Variants in GRM7 observed in about 807,000 individuals in gnomAD.
GRM7 encodes metabotropic glutamate receptor 7.
A neutral mutation model predicts 84.5 loss-of-function variants in GRM7; 35 were observed. That is an observed-to-expected ratio of 0.41 (90% confidence interval 0.32 to 0.55). GRM7 has a LOEUF of 0.55. Among genes scored for constraint, GRM7 ranks in the 20% least tolerant of loss-of-function variants. GRM7 has a pLI of 0.19. For synonymous variants in GRM7, 487 were observed against 455.1 expected (o/e 1.07, Z -0.89); for missense variants, 1,003 against 1,194.6 (o/e 0.84, Z 2.36).
At chr3:6,918,778 A>C (rs984680447) in intron 1 of GRM7, among the ~76,000 whole-genome samples, 2 of 152,144 alleles carry the variant, frequency 1.3e-5, no homozygotes, top group Non-Finnish European at 2.9e-5. Flanking sequence ...TGACTCTCAC[A>C]CACTTCCAGG....
At position 7,410,598 on chromosome 3, in the gene GRM7, T is replaced by TATAC. The variant is rs1553585464; in HGVS notation, c.1034-4424_1034-4423insTACA. Among the ~76,000 whole-genome samples, 383 of 142,672 alleles carry TATAC rather than the reference T, an allele frequency of 2.7e-3. 2 individuals are homozygous for TATAC. Among genetic ancestry groups the TATAC allele is most frequent in the Middle Eastern group, 0.018 (5 of 284 alleles). The allele number at this position is 142,672 out of a possible 152,430, so 93.6% of individuals were successfully genotyped here. A position where few individuals can be genotyped will look rare whatever the true frequency, so the allele number is the denominator to read the frequency against. Reference sequence around the variant, plus strand: ...AAAAAACAAAATATATATATATATATACACACACACACACACACACACACA... The same window carrying TATAC: ...AAAAAACAAAATATATATATATATATATACACACACACACACACACACACACACA... On this transcript the variant is annotated intron_variant, in intron 4 of 9. Coordinates refer to ENST00000357716, the MANE Select transcript of GRM7 (RefSeq NM_000844.4).
intron 3 of GRM7, among the ~76,000 whole-genome samples, chr3:7,302,521 G>C (rs972535804): frequency 6.6e-6 from 1 of 151,876 alleles, no homozygotes; most frequent in Non-Finnish European, 1.5e-5. Context: ...AACTTCGTCA[G>C]CACCTCCCCA....
intron 2 of GRM7, among the ~76,000 whole-genome samples, chr3:7,181,135 T>G (rs1695322916): frequency 1.3e-5 from 2 of 152,188 alleles, no homozygotes; most frequent in African/African-American, 4.8e-5. Context: ...TTTTTCCGGT[T>G]CTTCCCAATC....
intron 8 of GRM7, chr3:7,636,186 C>T: frequency 6.4e-5 from 29 of 456,590 alleles, no homozygotes; most frequent in Middle Eastern, 6.5e-4. Context: ...CTAACTTCTA[C>T]TCATTCTTCA....
intron 7 of GRM7, among the ~76,000 whole-genome samples, chr3:7,463,058 C>G (rs1283197584): frequency 6.6e-6 from 1 of 152,138 alleles, no homozygotes; most frequent in Non-Finnish European, 1.5e-5. Context: ...ATGACACACT[C>G]AAAGTGTGTT....
At chr3:6,984,290 C>T (rs1262456385) in intron 1 of GRM7, among the ~76,000 whole-genome samples, 1 of 152,110 alleles carries the variant, frequency 6.6e-6, no homozygotes, top group African/African-American at 2.4e-5. Context: ...ATTGTACCAG[C>T]CAGCACCTAT....
chr3:7,729,300 C>T (rs913377054), intron 9 of GRM7, among the ~76,000 whole-genome samples: 37 of 152,188 alleles, frequency 2.4e-4, no homozygotes, highest in African/African-American at 8.9e-4. Flanking sequence ...TTTCAGCTCT[C>T]ATATTTGAAC....
At chr3:7,106,043 C>A (rs997505181) in intron 1 of GRM7, among the ~76,000 whole-genome samples, 1 of 151,848 alleles carries the variant, frequency 6.6e-6, no homozygotes, top group Non-Finnish European at 1.5e-5. Context: ...GTTGGGGGTA[C>A]ATAGACTTTA....
intron 7 of GRM7, among the ~76,000 whole-genome samples, chr3:7,505,474 C>G (rs913528912): frequency 6.6e-6 from 1 of 152,224 alleles, no homozygotes; most frequent in African/African-American, 2.4e-5. Flanking sequence ...GGTCTCTCTG[C>G]AGTAACTCTA....
intron 5 of GRM7, among the ~76,000 whole-genome samples, chr3:7,448,933 C>T (rs1434031329): frequency 2.6e-5 from 4 of 151,364 alleles, no homozygotes; most frequent in Non-Finnish European, 5.9e-5. Context: ...TTATAATGGT[C>T]GAAATGCCTC....
At chr3:6,938,092 C>G (rs1225117398) in intron 1 of GRM7, among the ~76,000 whole-genome samples, 1 of 152,162 alleles carries the variant, frequency 6.6e-6, no homozygotes, top group African/African-American at 2.4e-5. Context: ...AGCCTGAGCA[C>G]CTTCATTCAA....
At chr3:7,663,851 G>C (rs530488152) in intron 8 of GRM7, among the ~76,000 whole-genome samples, 73 of 152,326 alleles carry the variant, frequency 4.8e-4, no homozygotes, top group Non-Finnish European at 7.9e-4. Flanking sequence ...CAAATATTAA[G>C]TGAAAGAGGA....
At chr3:7,109,806 C>T (rs1262603223) in intron 1 of GRM7, among the ~76,000 whole-genome samples, 1 of 152,026 alleles carries the variant, frequency 6.6e-6, no homozygotes, top group East Asian at 1.9e-4. Context: ...ACAGCAATAC[C>T]ATTGCAAGTA....
chr3:7,018,683 C>T (rs999943295), intron 1 of GRM7, among the ~76,000 whole-genome samples: 2 of 152,298 alleles, frequency 1.3e-5, no homozygotes, highest in Non-Finnish European at 2.9e-5. Context: ...AGAGGAAATA[C>T]TTGCTGCTGC....
chr3:7,449,993 A>G (rs906578435), intron 5 of GRM7, among the ~76,000 whole-genome samples: 15 of 152,118 alleles, frequency 9.9e-5, no homozygotes, highest in Non-Finnish European at 1.9e-4. Context: ...TTTATTTGGA[A>G]AAAGATACCT....
chr3:7,577,319 A>G (rs930451666), intron 7 of GRM7, among the ~76,000 whole-genome samples: 1 of 152,082 alleles, frequency 6.6e-6, no homozygotes, highest in South Asian at 2.1e-4. Flanking sequence ...AATCTTGCAA[A>G]CTCTATTGTA....
intron 4 of GRM7, among the ~76,000 whole-genome samples, chr3:7,357,230 CA>C: frequency 6.6e-6 from 1 of 150,690 alleles, no homozygotes; most frequent in Non-Finnish European, 1.5e-5. Flanking sequence ...TTTACTACTT[CA>C]AAAAAAACAA....
intron 2 of GRM7, among the ~76,000 whole-genome samples, chr3:7,212,846 A>T (rs964169675): frequency 6.6e-6 from 1 of 152,212 alleles, no homozygotes; most frequent in Non-Finnish European, 1.5e-5. Context: ...CCTGTCAGGC[A>T]TTGAGAAGAC....
rs191950585 is a variant in GRM7 at position 7,740,366 on chromosome 3, C to T, written c.2708C>T (p.Ala903Val). ...CTAATTTTTCTTTCAGGCCCTGCTG[C>T]AAAAAAGAAGTATGTCAGTTATAAT... ...CENVDPNSPAAKKKYVSYNNL... is the reference protein window; with the variant it reads ...CENVDPNSPAVKKKYVSYNNL... The change falls in exon 10 of 10, where the codon GCA becomes GTA. Residue 903 changes from alanine (A) to valine (V), a missense_variant. Ala to Val is a moderately conservative substitution (Grantham distance 64). This residue lies in a region of GRM7 where 910 missense variants were observed against 1,126.0 expected (regional missense o/e 0.81). Transcript: ENST00000357716. 17 of 1,585,408 alleles carry T rather than the reference C, an allele frequency of 1.1e-5. No homozygotes were observed. The East Asian group carries it at 2.7e-4, about 26-fold the overall frequency.
Sources: allele counts gnomAD v4.1 joint callset (sites outside exome capture counted in the v4.1 genomes callset), GRCh38; gene constraint gnomAD v4.1.1; regional missense constraint gnomAD v4.1.1; transcripts MANE v1.5; gene names NCBI Gene and HGNC (gene_info 2026-07-23, HGNC 2026-07-21).